DAPK1: variants seen among roughly 807,000 people sequenced by gnomAD.
The protein encoded by DAPK1 is death-associated protein kinase 1.
A neutral mutation model predicts 144.9 loss-of-function variants in DAPK1; 56 were observed. The ratio of observed to expected loss-of-function variants is 0.39; its 90% confidence interval spans 0.31 to 0.48. The LOEUF (loss-of-function observed/expected upper bound fraction) is 0.48, where lower values mean the gene tolerates loss of function less well. Among genes scored for constraint, DAPK1 ranks in the 20% least tolerant of loss-of-function variants. The probability of loss-of-function intolerance (pLI) is 0.95; values close to 1 mark genes in which losing one functional copy is unlikely to be tolerated. For synonymous variants in DAPK1, 690 were observed against 749.0 expected, an observed-to-expected ratio of 0.92 and a Z score of 1.29; for missense variants, 1,454 against 1,875.4, an observed-to-expected ratio of 0.78 and a Z score of 4.15.
chr9:87,603,541 G>C (rs1828602063), intron 2 of DAPK1, among the ~76,000 whole-genome samples: 1 of 152,166 alleles, frequency 6.6e-6, no homozygotes, highest in African/African-American at 2.4e-5. Context: ...AAGTAAATGA[G>C]TAACGTTTTA....
At chr9:87,641,167 A>G (rs1201233530) in intron 9 of DAPK1, among the ~76,000 whole-genome samples, 2 of 152,236 alleles carry the variant, frequency 1.3e-5, no homozygotes, top group Admixed American at 6.5e-5. Flanking sequence ...GCATGTAAAT[A>G]TCAATCAAAT....
chr9:87,524,221 C>T (rs1825404327), intron 2 of DAPK1, among the ~76,000 whole-genome samples: 2 of 152,204 alleles, frequency 1.3e-5, no homozygotes, highest in African/African-American at 4.8e-5. Context: ...GGCCCAAAGG[C>T]CCTGCACATT....
At chr9:87,672,098 G>A (rs1824184645) in intron 19 of DAPK1, among the ~76,000 whole-genome samples, 1 of 152,206 alleles carries the variant, frequency 6.6e-6, no homozygotes, top group South Asian at 2.1e-4. Flanking sequence ...ATGGGTCGAT[G>A]TAGATGATGT....
intron 3 of DAPK1, among the ~76,000 whole-genome samples, chr9:87,623,626 C>T (rs140957623): frequency 6.2e-4 from 94 of 152,146 alleles, no homozygotes; most frequent in African/African-American, 2.2e-3. Flanking sequence ...GCAGTGGTGA[C>T]GCTATGGGCT....
At chr9:87,600,612 T>C (rs967852800) in intron 2 of DAPK1, among the ~76,000 whole-genome samples, 1 of 152,006 alleles carries the variant, frequency 6.6e-6, no homozygotes, top group Non-Finnish European at 1.5e-5. Context: ...AAAAAAAAAT[T>C]ACTAAGTAGG....
chr9:87,628,322 C>G (rs1347094401), intron 3 of DAPK1, among the ~76,000 whole-genome samples: 68 of 152,266 alleles, frequency 4.5e-4, no homozygotes, highest in Non-Finnish European at 1.2e-4. Flanking sequence ...TCAGAGGAGG[C>G]CTTAAGGTTA....
Position 87,707,692 on chromosome 9 carries a change from T to A in DAPK1, c.*328T>A. On this transcript the variant is annotated 3_prime_UTR_variant, in exon 26 of 26. Coordinates refer to ENST00000408954, the MANE Select transcript of DAPK1 (RefSeq NM_004938.4). The surrounding 1 kb of genome is among the most constrained non-coding windows in gnomAD (Gnocchi z 4.0). ...TTCTTACTGATAATTTTGCTGGAAT[T>A]CCTAACTTTTCAATGACATTTTTTT... The A allele has an allele frequency of 2.2e-6, 1 of 448,834 alleles. No individual in the cohort carries two copies. The highest frequency in any genetic ancestry group is 4.1e-6 in the Non-Finnish European group (1 of 242,442). The allele number at this position is 448,834 out of a possible 1,614,324, so 27.8% of individuals were successfully genotyped here. A position where few individuals can be genotyped will look rare whatever the true frequency, so the allele number is the denominator to read the frequency against.
intron 3 of DAPK1, among the ~76,000 whole-genome samples, chr9:87,609,358 G>T (rs1361123400): frequency 6.6e-6 from 1 of 152,162 alleles, no homozygotes; most frequent in East Asian, 1.9e-4. Flanking sequence ...GGTATGATGC[G>T]TGTTTCTCTG....
chr9:87,560,942 C>G (rs1038861412), intron 2 of DAPK1, among the ~76,000 whole-genome samples: 4 of 151,922 alleles, frequency 2.6e-5, no homozygotes, highest in African/African-American at 9.7e-5. Flanking sequence ...TTGGGATTAC[C>G]AGTGTGAGCC....
At chr9:87,513,342 GAGATGA>G (rs985591038) in intron 2 of DAPK1, among the ~76,000 whole-genome samples, 25 of 152,344 alleles carry the variant, frequency 1.6e-4, no homozygotes, top group African/African-American at 6.0e-4. Context: ...AATAGGAAGT[GAGATGA>G]AGCATGGAAA....
chr9:87,548,320 C>A (rs530369624), intron 2 of DAPK1, among the ~76,000 whole-genome samples: 8 of 152,236 alleles, frequency 5.3e-5, no homozygotes, highest in African/African-American at 1.7e-4. Context: ...CCTGGTTTTC[C>A]CCCTAAATAG....
At chr9:87,633,364 G>C (rs1464173932) in intron 3 of DAPK1, 5 of 984,970 alleles carry the variant, frequency 5.1e-6, no homozygotes, top group Non-Finnish European at 6.0e-6. Context: ...GGGTGAGGGG[G>C]GATGGAGTGA....
intron 19 of DAPK1, among the ~76,000 whole-genome samples, chr9:87,669,373 A>G (rs1232920795): frequency 2.6e-5 from 4 of 152,014 alleles, no homozygotes; most frequent in Non-Finnish European, 5.9e-5. Context: ...TCAAAGCAGA[A>G]GACAGATTGT....
chr9:87,519,454 T>C (rs549615881), intron 2 of DAPK1, among the ~76,000 whole-genome samples: 3 of 152,174 alleles, frequency 2.0e-5, no homozygotes, highest in Admixed American at 2.0e-4. Context: ...TGATTTCCTA[T>C]GATTTCTGGG....
intron 10 of DAPK1, among the ~76,000 whole-genome samples, chr9:87,642,313 A>G (rs1334308712): frequency 6.6e-6 from 1 of 152,246 alleles, no homozygotes; most frequent in Non-Finnish European, 1.5e-5. Context: ...GCAAATTTTT[A>G]TAGCAGCACT....
intron 2 of DAPK1, among the ~76,000 whole-genome samples, chr9:87,547,979 A>G (rs1826323448): frequency 6.6e-6 from 1 of 152,334 alleles, no homozygotes; most frequent in African/African-American, 2.4e-5. Flanking sequence ...TACCTCACCC[A>G]GCTGGTGGCG....
chr9:87,530,057 C>T (rs1455673420), intron 2 of DAPK1, among the ~76,000 whole-genome samples: 1 of 152,204 alleles, frequency 6.6e-6, no homozygotes, highest in Non-Finnish European at 1.5e-5. Context: ...GTGCCTAAGT[C>T]CTCAACGCAG....
At chr9:87,627,184 G>C (rs958234334) in intron 3 of DAPK1, among the ~76,000 whole-genome samples, 2 of 152,136 alleles carry the variant, frequency 1.3e-5, no homozygotes, top group African/African-American at 4.8e-5. Context: ...GTCTGGGTGT[G>C]GTTGCCTCGG....
chr9:87,587,352 T>C (rs1478608922), intron 2 of DAPK1, among the ~76,000 whole-genome samples: 1 of 152,232 alleles, frequency 6.6e-6, no homozygotes, highest in Non-Finnish European at 1.5e-5. Flanking sequence ...AGGAGCATGC[T>C]CACCGTGTGT....
Sources: gnomAD v4.1 joint callset for allele counts (sites outside exome capture counted in the v4.1 genomes callset) on GRCh38, gnomAD v4.1.1 for gene constraint, Gnocchi (gnomAD v3.1) non-coding constraint, MANE v1.5 for transcripts, NCBI Gene and HGNC (gene_info 2026-07-23, HGNC 2026-07-21) for gene names.